The following SCHIP1 variants were observed in gnomAD, a reference collection of about 807,000 sequenced individuals.
SCHIP1 encodes schwannomin-interacting protein 1.
Under a neutral mutation model 29.7 loss-of-function variants are expected in SCHIP1, and 8 were observed. The observed-to-expected ratio is 0.27, with a 90% confidence interval of 0.16 to 0.49. The LOEUF (loss-of-function observed/expected upper bound fraction) is 0.49. SCHIP1 is among the 20% of genes least tolerant of loss of function. SCHIP1 has a pLI of 0.99. For synonymous variants in SCHIP1, 76 were observed against 94.9 expected, an observed-to-expected ratio of 0.80 and a Z score of 1.16; for missense variants, 193 against 294.6, an observed-to-expected ratio of 0.66 and a Z score of 2.52.
the SCHIP1 span, among the ~76,000 whole-genome samples, chr3:159,579,503 T>G: frequency 1.3e-5 from 2 of 152,222 alleles, no homozygotes; most frequent in African/African-American, 4.8e-5. Context: ...GAAATGTTTC[T>G]GGACTCTAGC....
chr3:159,520,048 C>A, the SCHIP1 span, among the ~76,000 whole-genome samples: 1 of 147,392 alleles, frequency 6.8e-6, no homozygotes, highest in Non-Finnish European at 1.5e-5. Flanking sequence ...AGACACTATG[C>A]TATTGCCAGC....
the SCHIP1 span, among the ~76,000 whole-genome samples, chr3:159,704,038 A>T: frequency 6.6e-6 from 1 of 152,208 alleles, no homozygotes; most frequent in Non-Finnish European, 1.5e-5. Context: ...TATTTTGTCC[A>T]CTACAGTTGA....
chr3:159,466,289 A>G, the SCHIP1 span, among the ~76,000 whole-genome samples: 1 of 152,008 alleles, frequency 6.6e-6, no homozygotes, highest in East Asian at 1.9e-4. Context: ...TGCACTGCAG[A>G]CTGGGTGACA....
chr3:159,501,647 A>G, the SCHIP1 span, among the ~76,000 whole-genome samples: 1 of 152,186 alleles, frequency 6.6e-6, no homozygotes. Context: ...GCAGAGTAAT[A>G]CTTTTTTCTC....
chr3:159,536,129 C>T, the SCHIP1 span, among the ~76,000 whole-genome samples: 1 of 152,296 alleles, frequency 6.6e-6, no homozygotes, highest in Admixed American at 6.5e-5. Flanking sequence ...AGACATGGAA[C>T]ATTTCCAACA....
the SCHIP1 span, among the ~76,000 whole-genome samples, chr3:159,531,537 C>A: frequency 3.3e-5 from 5 of 152,172 alleles, no homozygotes; most frequent in African/African-American, 1.2e-4. Flanking sequence ...AAACTCTCTG[C>A]AGAATACAAG....
the SCHIP1 span, among the ~76,000 whole-genome samples, chr3:159,612,592 G>C: frequency 1.3e-5 from 2 of 152,140 alleles, no homozygotes; most frequent in African/African-American, 4.8e-5. Flanking sequence ...ACTAAAAGTA[G>C]AAAAATTAGC....
chr3:159,648,065 C>A, the SCHIP1 span, among the ~76,000 whole-genome samples: 3 of 152,062 alleles, frequency 2.0e-5, no homozygotes, highest in African/African-American at 7.2e-5. Context: ...GGCTACCAAG[C>A]CAGCACTGAG....
the SCHIP1 span, among the ~76,000 whole-genome samples, chr3:159,428,638 C>T: frequency 5.3e-4 from 80 of 150,056 alleles, no homozygotes; most frequent in African/African-American, 1.9e-3. Context: ...GTCAGTGTGG[C>T]GATTCCTCAG....
At chr3:159,556,120 C>T in the SCHIP1 span, among the ~76,000 whole-genome samples, 3 of 152,108 alleles carry the variant, frequency 2.0e-5, no homozygotes, top group Non-Finnish European at 4.4e-5. Flanking sequence ...CATGAACAGA[C>T]ACTTCTCAAA....
upstream of SCHIP1, chr3:159,839,800 T>C (rs1008404129): frequency 5.1e-6 from 5 of 973,806 alleles, no homozygotes; most frequent in East Asian, 3.2e-5. Flanking sequence ...CTAGAATGTT[T>C]CCACATCAGT....
chr3:159,856,418 G>A (rs966523871), intron 1 of SCHIP1, among the ~76,000 whole-genome samples: 2 of 152,106 alleles, frequency 1.3e-5, no homozygotes, highest in Non-Finnish European at 2.9e-5. Context: ...CCCTGCCCCA[G>A]GAATGTGTAC....
At chr3:159,313,009 T>C in the SCHIP1 span, among the ~76,000 whole-genome samples, 1 of 152,236 alleles carries the variant, frequency 6.6e-6, no homozygotes, top group East Asian at 1.9e-4. Context: ...ATTATTCATC[T>C]TGAGAAATTG....
chr3:159,473,674 GAAAAAAAAA>G, the SCHIP1 span, among the ~76,000 whole-genome samples: 3 of 81,446 alleles, frequency 3.7e-5, no homozygotes, highest in Non-Finnish European at 7.3e-5. Context: ...ATGTAACTAC[GAAAAAAAAA>G]AAAAAAAAAA....
chr3:159,377,833 A>G, the SCHIP1 span, among the ~76,000 whole-genome samples: 1 of 152,212 alleles, frequency 6.6e-6, no homozygotes, highest in African/African-American at 2.4e-5. Context: ...GGGGTGCACA[A>G]CCACAAAAAG....
At chr3:159,440,332 G>A in the SCHIP1 span, among the ~76,000 whole-genome samples, 1 of 152,144 alleles carries the variant, frequency 6.6e-6, no homozygotes, top group Non-Finnish European at 1.5e-5. Context: ...GTAGTTGGAA[G>A]TCAGGTAACA....
chr3:159,327,664 C>T, the SCHIP1 span, among the ~76,000 whole-genome samples: 1 of 152,134 alleles, frequency 6.6e-6, no homozygotes, highest in Non-Finnish European at 1.5e-5. Flanking sequence ...ATGAATCAGG[C>T]TGATATTTTC....
chr3:159,294,177 T>C, the SCHIP1 span, among the ~76,000 whole-genome samples: 1 of 152,208 alleles, frequency 6.6e-6, no homozygotes, highest in Non-Finnish European at 1.5e-5. Flanking sequence ...TATTCTAGTA[T>C]GATGGCTTCA....
the SCHIP1 span, among the ~76,000 whole-genome samples, chr3:159,290,576 A>C: frequency 6.6e-6 from 1 of 152,258 alleles, no homozygotes; most frequent in East Asian, 1.9e-4. Context: ...AATGAAAACA[A>C]ATGAATCTAA....
Sources: allele counts gnomAD v4.1 joint callset (sites outside exome capture counted in the v4.1 genomes callset), GRCh38; gene constraint gnomAD v4.1.1; transcripts MANE v1.5; gene names NCBI Gene and HGNC (gene_info 2026-07-23, HGNC 2026-07-21).